Variants in CTNNA2 observed in about 807,000 individuals in gnomAD.
CTNNA2 encodes the protein catenin alpha-2.
CTNNA2 carries 42 observed loss-of-function variants against 101.0 expected under a neutral mutation model. The observed-to-expected ratio is 0.42, with a 90% CI of 0.32 to 0.54. CTNNA2 has a LOEUF of 0.54. Ranked by LOEUF, CTNNA2 falls within the 20% of genes least tolerant of loss-of-function variation. The pLI is 0.14. For missense variants in CTNNA2, 871 were observed against 1,223.1 expected, an observed-to-expected ratio of 0.71 and a Z score of 4.29; for synonymous variants, 450 against 456.4, an observed-to-expected ratio of 0.99 and a Z score of 0.18.
chr2:80,087,624 A>G (rs188611246), intron 7 of CTNNA2, among the ~76,000 whole-genome samples: 2 of 152,148 alleles, frequency 1.3e-5, no homozygotes, highest in Admixed American at 1.3e-4. Flanking sequence ...CCTGAGGAAA[A>G]TGAAAGTTCT....
At chr2:79,812,581 T>G (rs1350545023) in intron 3 of CTNNA2, among the ~76,000 whole-genome samples, 1 of 152,220 alleles carries the variant, frequency 6.6e-6, no homozygotes, top group East Asian at 1.9e-4. Context: ...ATAAGAAACC[T>G]TATGATCTCA....
At chr2:80,417,792 A>T (rs1680171094) in intron 8 of CTNNA2, among the ~76,000 whole-genome samples, 2 of 152,154 alleles carry the variant, frequency 1.3e-5, no homozygotes, top group South Asian at 2.1e-4. Flanking sequence ...TGATGGTATT[A>T]TGTTTCTTAA....
chr2:80,225,555 C>A (rs758891940), intron 7 of CTNNA2, among the ~76,000 whole-genome samples: 2 of 152,078 alleles, frequency 1.3e-5, no homozygotes, highest in African/African-American at 2.4e-5. Flanking sequence ...GCAGCAATTC[C>A]CTATTTTTAA....
intron 2 of CTNNA2, among the ~76,000 whole-genome samples, chr2:79,736,504 G>C (rs1670889354): frequency 6.6e-6 from 1 of 152,110 alleles, no homozygotes; most frequent in African/African-American, 2.4e-5. Flanking sequence ...TGAAGACTTA[G>C]CTTCTTCATA....
At chr2:79,926,211 A>G (rs1458020806) in intron 7 of CTNNA2, among the ~76,000 whole-genome samples, 3 of 152,102 alleles carry the variant, frequency 2.0e-5, no homozygotes, top group Non-Finnish European at 4.4e-5. Flanking sequence ...GGTTTCCTTC[A>G]TTATTCCCCA....
chr2:79,433,157 A>G (rs1678674813), intron 4 of CTNNA2, among the ~76,000 whole-genome samples: 1 of 152,226 alleles, frequency 6.6e-6, no homozygotes, highest in Non-Finnish European at 1.5e-5. Context: ...ATGTTCTCAT[A>G]GAACTTTACA....
chr2:79,333,900 T>C (rs980926879), intron 3 of CTNNA2, among the ~76,000 whole-genome samples: 2 of 152,142 alleles, frequency 1.3e-5, no homozygotes, highest in South Asian at 4.1e-4. Flanking sequence ...ATTTTTTATA[T>C]ACCTGTTGGT....
At chr2:80,074,624 G>A (rs1266600086) in intron 7 of CTNNA2, among the ~76,000 whole-genome samples, 2 of 152,124 alleles carry the variant, frequency 1.3e-5, no homozygotes, top group Non-Finnish European at 2.9e-5. Flanking sequence ...TGCAGTTGCA[G>A]TGGTGATTCT....
rs181810181 is a variant in CTNNA2, at chr2:79,961,650, G to A, written c.1056+51853G>A. On this transcript the variant is annotated intron_variant, in intron 7 of 18. Coordinates refer to ENST00000402739, the MANE Select transcript of CTNNA2 (RefSeq NM_001282597.3). ...ATCCTGGCTAACACGGTGAAACCCC[G>A]TCTCTACTAAAAATACAAAAAATTA... Among the ~76,000 whole-genome samples the A allele has an allele frequency of 6.8e-3, 1,032 of 151,896 alleles. 9 individuals are homozygous for A. Among genetic ancestry groups the A allele is most frequent in the African/African-American group, 0.023 (958 of 41,438 alleles).
intron 2 of CTNNA2, among the ~76,000 whole-genome samples, chr2:79,230,439 G>A (rs1674474983): frequency 6.6e-6 from 1 of 152,234 alleles, no homozygotes; most frequent in South Asian, 2.1e-4. Context: ...TGGGTACACA[G>A]AAGTCAAGAA....
chr2:80,002,097 T>C (rs1353844967), intron 7 of CTNNA2, among the ~76,000 whole-genome samples: 2 of 152,212 alleles, frequency 1.3e-5, no homozygotes, highest in Non-Finnish European at 2.9e-5. Context: ...CAAAAGGTTC[T>C]ATGGCTCAGA....
intron 17 of CTNNA2, chr2:80,612,820 T>C (rs561844205): frequency 4.0e-5 from 6 of 151,548 alleles, no homozygotes; most frequent in South Asian, 2.1e-4. Context: ...GTAACAGTAA[T>C]GAAAAAAATC....
chr2:80,316,844 G>C (rs868074917), intron 7 of CTNNA2, among the ~76,000 whole-genome samples: 2 of 152,176 alleles, frequency 1.3e-5, no homozygotes, highest in Non-Finnish European at 1.5e-5. Flanking sequence ...TGGGGATACA[G>C]TGGGGAACAA....
chr2:80,215,111 G>T (rs1708171830), intron 7 of CTNNA2, among the ~76,000 whole-genome samples: 1 of 152,060 alleles, frequency 6.6e-6, no homozygotes, highest in East Asian at 1.9e-4. Flanking sequence ...GCTCCATCAG[G>T]TCATTTAAGG....
intron 7 of CTNNA2, among the ~76,000 whole-genome samples, chr2:80,010,222 C>T (rs567995671): frequency 6.6e-6 from 1 of 152,294 alleles, no homozygotes; most frequent in Non-Finnish European, 1.5e-5. Flanking sequence ...GTGTCACTTG[C>T]ACCTCCCAGG....
At chr2:80,574,442 T>TAAGG in intron 13 of CTNNA2, 128 bp downstream of exon 13, 3 of 1,133,652 alleles carry the variant, frequency 2.6e-6, no homozygotes, top group South Asian at 2.2e-5. Flanking sequence ...GGCTCCTTAT[T>TAAGG]AGTCAGACAA....
intron 1 of CTNNA2, among the ~76,000 whole-genome samples, chr2:79,590,571 A>G (rs913691845): frequency 5.3e-5 from 8 of 152,208 alleles, no homozygotes; most frequent in African/African-American, 1.9e-4. Context: ...ACACACTTCC[A>G]TAAGTACATA....
chr2:79,858,943 T>C (rs1419301087), intron 4 of CTNNA2, among the ~76,000 whole-genome samples: 1 of 151,612 alleles, frequency 6.6e-6, no homozygotes, highest in African/African-American at 2.4e-5. Context: ...CGTTCTTCCA[T>C]TTTTCTACTT....
chr2:79,336,592 G>A (rs17016899), intron 3 of CTNNA2, among the ~76,000 whole-genome samples: 16,753 of 152,084 alleles, frequency 0.11, 1,080 homozygotes, highest in East Asian at 0.26. Context: ...CTCTGCTACT[G>A]GCATTAATAT....
Sources: gnomAD v4.1 joint callset for allele counts (sites outside exome capture counted in the v4.1 genomes callset) on GRCh38, gnomAD v4.1.1 for gene constraint, MANE v1.5 for transcripts, NCBI Gene and HGNC (gene_info 2026-07-23, HGNC 2026-07-21) for gene names.